The following RAD17 variants were observed in gnomAD, a reference collection of about 807,000 sequenced individuals.
RAD17 encodes RAD17 checkpoint clamp loader component.
Under a neutral mutation model 81.5 loss-of-function variants are expected in RAD17, and 31 were observed. That is an observed-to-expected ratio of 0.38 (90% CI 0.29 to 0.51). RAD17 has a LOEUF of 0.51. Among genes scored for constraint, RAD17 ranks in the 20% least tolerant of loss-of-function variants. The pLI is 0.88. For synonymous variants in RAD17, 261 were observed against 266.2 expected (o/e 0.98, Z 0.19); for missense variants, 681 against 781.2 (o/e 0.87, Z 1.53).
chr5:69,375,556 C>CAAA (rs1418945776), intron 6 of RAD17, among the ~76,000 whole-genome samples: 1 of 151,778 alleles, frequency 6.6e-6, no homozygotes, highest in East Asian at 1.9e-4. Flanking sequence ...TCATTGTTTC[C>CAAA]CCCTTAAGTA....
In RAD17 at chr5:69,386,412, C is replaced by T. The variant is rs145105462; in HGVS notation, c.841C>T (p.Pro281Ser). The T allele has an allele frequency of 3.2e-5, 51 of 1,596,842 alleles. No individual in the cohort carries two copies. The highest frequency in any genetic ancestry group is 4.2e-5 in the Non-Finnish European group (49 of 1,173,692). Residue 281 changes from proline to serine, a missense_variant, in exon 11 of 19, where the codon CCA (proline) becomes TCA (serine). By Grantham distance (74) the Pro-to-Ser change is moderately conservative. Transcript: ENST00000354868. ...AAAACTTAGTTTCAACCCTGTGGCA[C>T]CAACAATTATGATGAAATTTCTTAA... is the stretch of plus-strand genomic sequence containing the variant. ...ISNISFNPVA[P>S]TIMMKFLNRI...
chr5:69,397,159 A>G (rs530528579), intron 16 of RAD17, among the ~76,000 whole-genome samples: 8 of 150,976 alleles, frequency 5.3e-5, no homozygotes, highest in African/African-American at 1.9e-4. Context: ...TTTTATTTTT[A>G]TTCAGACAGA....
At chr5:69,379,529 A>G (rs1487704986) in intron 6 of RAD17, among the ~76,000 whole-genome samples, 1 of 152,110 alleles carries the variant, frequency 6.6e-6, no homozygotes, top group Non-Finnish European at 1.5e-5. Flanking sequence ...TAGCTTTTTT[A>G]CTTTATAAAC....
At chr5:69,410,683 G>T in intron 18 of RAD17, 133 bp downstream of exon 18, 1 of 805,858 alleles carries the variant, frequency 1.2e-6, no homozygotes, top group East Asian at 2.7e-5. Context: ...AAACATAATT[G>T]TATTGTAGAC....
rs998405747 is a variant in RAD17 at position 69,398,997 on chromosome 5, ACC to A, written c.1573-1049_1573-1048del. 4.0e-5 allele frequency among the ~76,000 whole-genome samples: 6 copies of A among 151,636 alleles called. No individual in the cohort carries two copies. The East Asian group carries it at 9.6e-4, about 24-fold the overall frequency. On this transcript the variant is annotated intron_variant, in intron 16 of 18. Coordinates refer to ENST00000354868, the MANE Select transcript of RAD17 (RefSeq NM_133338.3). Reference sequence around the variant, plus strand: ...AGACCTGCCTGGGCAATATGGTGAAACCCCATCTGTATAAAAAAAAAAATAAT... The same window carrying A: ...AGACCTGCCTGGGCAATATGGTGAAACCATCTGTATAAAAAAAAAAATAAT...
rs752140167 is a variant in RAD17, at chr5:69,393,194, C to G, written c.1229C>G (p.Ser410Cys). The G allele has an allele frequency of 4.3e-6, 7 of 1,612,052 alleles. No individual in the cohort carries two copies. The highest frequency in any genetic ancestry group is 5.9e-6 in the Non-Finnish European group (7 of 1,178,854). Residue 410 changes from serine to cysteine, a missense_variant, in exon 14 of 19, where the codon TCT (serine) becomes TGT (cysteine). Coordinates refer to ENST00000354868, the MANE Select transcript of RAD17 (RefSeq NM_133338.3). Reference sequence around the variant, plus strand: ...GAATTAGACTCACCTCGGTTGCCCTCTCATTTATCAGAATATGAACGGGAT... The same window carrying G: ...GAATTAGACTCACCTCGGTTGCCCTGTCATTTATCAGAATATGAACGGGAT... ...LTELDSPRLP[S>C]HLSEYERDTL...
chr5:69,412,651 C>T (rs959743119), intron 18 of RAD17, among the ~76,000 whole-genome samples: 6 of 152,068 alleles, frequency 3.9e-5, no homozygotes, highest in South Asian at 2.1e-4. Flanking sequence ...TCTCCTAACC[C>T]TTGCCACCAC....
rs146098532 is a variant in RAD17, at chr5:69,381,966, A to G, written c.417A>G (p.Leu139=). The change falls in exon 7 of 19, where the codon CTA becomes CTG. Residue 139 remains leucine, a synonymous_variant. Transcript: ENST00000354868. Reference sequence around the variant, plus strand: ...GAAAGACAACGACCTTAAAAATACTATCAAAGGAGCATGGTATTCAAGTAC... The same window carrying G: ...GAAAGACAACGACCTTAAAAATACTGTCAAAGGAGCATGGTATTCAAGTAC... ...GCGKTTTLKI[L]SKEHGIQVQE... 4.4e-5 allele frequency: 71 copies of G among 1,606,534 alleles called. No individual in the cohort carries two copies. The African/African-American group carries it at 8.4e-4, about 19-fold the overall frequency.
Position 69,374,116 on chromosome 5 carries a change from ATAAT to A in RAD17, c.267+31_267+34del, listed in dbSNP as rs771328936. Reference sequence around the variant, plus strand: ...CTGAAAAGCATGCAGACATATCTACATAATTTAATTTCAGGGTGCATAAGGGTAG... The same window carrying A: ...CTGAAAAGCATGCAGACATATCTACATTAATTTCAGGGTGCATAAGGGTAG... On this transcript the variant is annotated intron_variant, in intron 5 of 18. Transcript: ENST00000354868. 3 of 1,570,506 alleles carry A rather than the reference ATAAT, an allele frequency of 1.9e-6. No homozygotes were observed. In the Admixed American group the frequency reaches 5.9e-5, roughly 31 times the overall value.
chr5:69,394,344 T>A (rs1006829980), intron 15 of RAD17, among the ~76,000 whole-genome samples: 2 of 149,350 alleles, frequency 1.3e-5, no homozygotes, highest in African/African-American at 4.9e-5. Flanking sequence ...ATTACAGGAG[T>A]GAGCCACCAT....
intron 7 of RAD17, among the ~76,000 whole-genome samples, chr5:69,384,554 G>A (rs376621925): frequency 6.6e-6 from 1 of 152,164 alleles, no homozygotes; most frequent in Non-Finnish European, 1.5e-5. Context: ...GAGGTCAAGC[G>A]ATCCACCTGC....
Position 69,371,435 on chromosome 5 carries a change from T to G in RAD17, c.-279-19T>G. ...CAGTTTTTCTTCATTTGAGGGCTTCTTCCCCCCCCCCCCCCCAGGTGAATT... is the reference window on the plus strand; with the variant it reads ...CAGTTTTTCTTCATTTGAGGGCTTCGTCCCCCCCCCCCCCCCAGGTGAATT... On this transcript the variant is annotated intron_variant, in intron 2 of 18. Coordinates refer to ENST00000354868, the MANE Select transcript of RAD17 (RefSeq NM_133338.3). The G allele has an allele frequency of 1.3e-5, 6 of 455,208 alleles. No homozygotes were observed. Among genetic ancestry groups the G allele is most frequent in the Non-Finnish European group, 2.1e-5 (6 of 288,788 alleles). 28.2% of individuals were successfully genotyped at this position (455,208 alleles called of 1,614,324 possible). A position where few individuals can be genotyped will look rare whatever the true frequency, so the allele number is the denominator to read the frequency against.
At chr5:69,389,171 G>A in intron 12 of RAD17, 26 bp downstream of exon 12, 1 of 1,387,826 alleles carries the variant, frequency 7.2e-7, no homozygotes, top group South Asian at 1.3e-5. Flanking sequence ...ACAGTCATGT[G>A]GCATTATATA....
intron 15 of RAD17, among the ~76,000 whole-genome samples, chr5:69,394,751 T>C (rs1353950633): frequency 6.6e-6 from 1 of 152,208 alleles, no homozygotes; most frequent in Non-Finnish European, 1.5e-5. Context: ...TACGTTAATA[T>C]TTCTGTGTGC....
intron 6 of RAD17, among the ~76,000 whole-genome samples, chr5:69,379,595 G>A (rs1338568793): frequency 6.6e-6 from 1 of 151,936 alleles, no homozygotes; most frequent in Non-Finnish European, 1.5e-5. Context: ...TGGTACGGCT[G>A]TACAAAAATA....
At chr5:69,375,529 A>G (rs1763279914) in intron 6 of RAD17, among the ~76,000 whole-genome samples, 1 of 152,126 alleles carries the variant, frequency 6.6e-6, no homozygotes, top group Non-Finnish European at 1.5e-5. Context: ...TAATAAAAAA[A>G]TATATATAGA....
chr5:69,383,003 C>T (rs1175860809), intron 7 of RAD17, among the ~76,000 whole-genome samples: 3 of 152,162 alleles, frequency 2.0e-5, no homozygotes, highest in South Asian at 4.1e-4. Flanking sequence ...AGTCTGGTCT[C>T]GAACTCCTGG....
intron 12 of RAD17, among the ~76,000 whole-genome samples, chr5:69,391,593 A>G (rs1377340995): frequency 1.3e-5 from 2 of 152,186 alleles, no homozygotes; most frequent in East Asian, 1.9e-4. Context: ...AGATTGTGCT[A>G]TTGTGCATGT....
rs931054919 is a variant in RAD17, at chr5:69,384,824, A to C, written c.536A>C (p.Gln179Pro). 4.4e-6 allele frequency: 7 copies of C among 1,608,086 alleles called. No individual in the cohort carries two copies. Among genetic ancestry groups the C allele is most frequent in the Non-Finnish European group, 5.9e-6 (7 of 1,177,492 alleles). Residue 179 changes from glutamine (Q) to proline (P), a missense_variant, in exon 8 of 19, where the codon CAG (glutamine) becomes CCG (proline). Transcript: ENST00000354868. ...TCAAGCTTCCATATGTTTCCCTATC[A>C]GTCTCAGATAGCAGTTTTCAAAGAG... The part of the protein sequence containing the change: ...TESSFHMFPY[Q>P]SQIAVFKEFL...
Sources: gnomAD v4.1 joint callset for allele counts (sites outside exome capture counted in the v4.1 genomes callset) on GRCh38, gnomAD v4.1.1 for gene constraint, MANE v1.5 for transcripts, NCBI Gene and HGNC (gene_info 2026-07-23, HGNC 2026-07-21) for gene names.